Variants in LATS1 observed in about 807,000 individuals in gnomAD.
LATS1 encodes the protein serine/threonine-protein kinase LATS1.
Under a neutral mutation model 106.6 loss-of-function variants are expected in LATS1, and 25 were observed. The observed-to-expected ratio is 0.23, with a 90% confidence interval of 0.17 to 0.33. LATS1 has a LOEUF of 0.33. Among genes scored for constraint, LATS1 ranks in the 10% least tolerant of loss-of-function variants. The probability of loss-of-function intolerance (pLI) is 1.00; values close to 1 mark genes in which losing one functional copy is unlikely to be tolerated. For missense variants in LATS1, 1,040 were observed against 1,382.6 expected, an observed-to-expected ratio of 0.75 and a Z score of 3.93; for synonymous variants, 465 against 455.6, an observed-to-expected ratio of 1.02 and a Z score of -0.26.
In LATS1 at chr6:149,681,975, G is replaced by A. The variant is rs9505990; in HGVS notation, c.2010+1104C>T. Among the ~76,000 whole-genome samples the A allele has an allele frequency of 6.0e-3, 910 of 152,220 alleles. 12 individuals carry two copies. Among genetic ancestry groups the A allele is most frequent in the African/African-American group, 0.021 (878 of 41,548 alleles). On this transcript the variant is annotated intron_variant, in intron 4 of 7. Coordinates refer to ENST00000543571, the MANE Select transcript of LATS1 (RefSeq NM_004690.4). Reference sequence around the variant, plus strand: ...TAAAAATAAAAAATTAGCTCAGCGTGCTGACGGGCGCTTGTAGTCCCAGCT... The same window carrying A: ...TAAAAATAAAAAATTAGCTCAGCGTACTGACGGGCGCTTGTAGTCCCAGCT...
chr6:149,661,683 T>G lies in LATS1; in HGVS notation c.*46A>C. 1 of 1,498,294 alleles carries G rather than the reference T, an allele frequency of 6.7e-7. No homozygotes were observed. Among genetic ancestry groups the G allele is most frequent in the Non-Finnish European group, 8.9e-7 (1 of 1,123,132 alleles). The allele number at this position is 1,498,294 out of a possible 1,614,324, so 92.8% of individuals were successfully genotyped here. On this transcript the variant is annotated 3_prime_UTR_variant, in exon 8 of 8. Coordinates refer to ENST00000543571, the MANE Select transcript of LATS1 (RefSeq NM_004690.4). Reference sequence around the variant, plus strand: ...TCTCAGAACCTCAAAACACCTCGCATTTCAGGCCCTTTTACAAATCCTCAT... The same window carrying G: ...TCTCAGAACCTCAAAACACCTCGCAGTTCAGGCCCTTTTACAAATCCTCAT...
At chr6:149,677,234 A>G (rs1285185133) in intron 5 of LATS1, among the ~76,000 whole-genome samples, 2 of 152,368 alleles carry the variant, frequency 1.3e-5, no homozygotes, top group African/African-American at 2.4e-5. Flanking sequence ...GGATAGCTAC[A>G]TAAGACTGAA....
At chr6:149,680,544 A>G in intron 4 of LATS1, 87 bp from the exon 5 acceptor site, 1 of 927,268 alleles carries the variant, frequency 1.1e-6, no homozygotes, top group Non-Finnish European at 1.6e-6. Context: ...TCAGGCATAT[A>G]TTTAAAGGTT....
In LATS1 at chr6:149,684,376, G is replaced by T; in HGVS notation, c.713C>A (p.Pro238Gln). The T allele has an allele frequency of 6.2e-7, 1 of 1,614,038 alleles. No individual in the cohort carries two copies. Among genetic ancestry groups the T allele is most frequent in the Non-Finnish European group, 8.5e-7 (1 of 1,179,980 alleles). The change falls in exon 4 of 8, where the codon CCA becomes CAA. Residue 238 changes from proline to glutamine, a missense_variant. By Grantham distance (76) the Pro-to-Gln change is moderately conservative. This residue lies in a region of LATS1 where 624 missense variants were observed against 714.8 expected (regional missense o/e 0.87). Coordinates refer to ENST00000543571, the MANE Select transcript of LATS1 (RefSeq NM_004690.4). ...AGTAACACTCCTTACTTGAGGTGGT[G>T]GTGGGGGGTTCACTCTCTGTCCGTT... Reference protein sequence around the residue: ...PSNGQRVNPPPPPQVRSVTPP... With the variant: ...PSNGQRVNPPQPPQVRSVTPP...
Position 149,661,457 on chromosome 6 carries a change from T to A in LATS1, c.*272A>T. On this transcript the variant is annotated 3_prime_UTR_variant, in exon 8 of 8. Coordinates refer to ENST00000543571, the MANE Select transcript of LATS1 (RefSeq NM_004690.4). ...TTCTCCTTTTAAACAAAGCACTACT[T>A]ATTTTAAGTACTTTAAGTACCAAGA... The A allele has an allele frequency of 3.1e-6, 1 of 324,332 alleles. No individual in the cohort carries two copies. Among genetic ancestry groups the A allele is most frequent in the Non-Finnish European group, 5.6e-6 (1 of 179,162 alleles). The allele number at this position is 324,332 out of a possible 1,614,324, so 20.1% of individuals were successfully genotyped here. A position where few individuals can be genotyped will look rare whatever the true frequency, so the allele number is the denominator to read the frequency against.
chr6:149,716,814 A>C (rs1453409453), intron 1 of LATS1, among the ~76,000 whole-genome samples: 1 of 152,196 alleles, frequency 6.6e-6, no homozygotes, highest in Non-Finnish European at 1.5e-5. Context: ...TTAAGGAATC[A>C]ACTACCCCAT....
rs757256238 is a variant in LATS1 at position 149,702,162 on chromosome 6, T to G, written c.-36A>C. The G allele has an allele frequency of 3.7e-6, 5 of 1,369,234 alleles. No homozygotes were observed. Among genetic ancestry groups the G allele is most frequent in the African/African-American group, 2.9e-5 (2 of 68,768 alleles). The allele number at this position is 1,369,234 out of a possible 1,614,324, so 84.8% of individuals were successfully genotyped here. A position where few individuals can be genotyped will look rare whatever the true frequency, so the allele number is the denominator to read the frequency against. On this transcript the variant is annotated 5_prime_UTR_variant, in exon 2 of 8. Transcript: ENST00000543571. ...ATATATGTAGCCCACACGAAGGACT[T>G]CTTTATTTGATAGATCCAGAGCTTT... is the stretch of plus-strand genomic sequence containing the variant.
Position 149,676,270 on chromosome 6 carries a change from G to T in LATS1, c.2873C>A (p.Thr958Lys). ...GATGCCATACCTTACCTTCATTTGT[G>T]TTTCTAATGGTGTTTGTGCCAAGAA... ...PPFLAQTPLETQMKVINWQTS... is the reference protein window; with the variant it reads ...PPFLAQTPLEKQMKVINWQTS... Residue 958 changes from threonine (T) to lysine (K), a missense_variant, in exon 7 of 8, where the codon ACA (threonine) becomes AAA (lysine). Around this residue, in one of 7 missense-constraint regions of LATS1, gnomAD observed 113 missense variants for 146.3 expected, o/e 0.77. Transcript: ENST00000543571. The T allele has an allele frequency of 1.2e-6, 2 of 1,606,218 alleles. No individual in the cohort carries two copies. Among genetic ancestry groups the T allele is most frequent in the Non-Finnish European group, 1.7e-6 (2 of 1,172,820 alleles).
At chr6:149,673,897 A>G (rs1357842988) in intron 7 of LATS1, among the ~76,000 whole-genome samples, 1 of 151,206 alleles carries the variant, frequency 6.6e-6, no homozygotes, top group African/African-American at 2.4e-5. Flanking sequence ...CTGGTCTCGA[A>G]CTCCCGACTT....
intron 7 of LATS1, among the ~76,000 whole-genome samples, chr6:149,668,939 T>G (rs1294173546): frequency 6.6e-6 from 1 of 151,836 alleles, no homozygotes; most frequent in African/African-American, 2.4e-5. Context: ...CCGCCCCAAG[T>G]AGCTGGGACT....
At chr6:149,712,275 G>A (rs1038273071) in intron 1 of LATS1, among the ~76,000 whole-genome samples, 2 of 152,030 alleles carry the variant, frequency 1.3e-5, no homozygotes, top group African/African-American at 4.8e-5. Context: ...TTGGCTCACC[G>A]CAACCTCCAC....
intron 3 of LATS1, among the ~76,000 whole-genome samples, chr6:149,687,404 T>C (rs1192874102): frequency 1.3e-5 from 2 of 151,722 alleles, no homozygotes; most frequent in African/African-American, 4.8e-5. Context: ...ATCTCCAAGG[T>C]TAATCCCCTA....
At chr6:149,685,215 G>A (rs895965819) in intron 3 of LATS1, among the ~76,000 whole-genome samples, 6 of 151,992 alleles carry the variant, frequency 3.9e-5, no homozygotes, top group Non-Finnish European at 7.4e-5. Flanking sequence ...TCCAGCCTGG[G>A]TGACAGTGCA....
At chr6:149,686,002 C>T (rs1267810394) in intron 3 of LATS1, among the ~76,000 whole-genome samples, 1 of 152,042 alleles carries the variant, frequency 6.6e-6, no homozygotes, top group Non-Finnish European at 1.5e-5. Flanking sequence ...ATTGGGGTAC[C>T]TCTTGCGAAT....
chr6:149,672,112 C>G (rs1781472023), intron 7 of LATS1, among the ~76,000 whole-genome samples: 1 of 151,794 alleles, frequency 6.6e-6, no homozygotes, highest in South Asian at 2.1e-4. Flanking sequence ...AGGCTGGTCT[C>G]AAACTCCTGA....
chr6:149,712,461 T>C (rs372921971), intron 1 of LATS1, among the ~76,000 whole-genome samples: 2 of 152,168 alleles, frequency 1.3e-5, no homozygotes, highest in African/African-American at 2.4e-5. Context: ...CCTCCCAAAG[T>C]GCTGGGATTA....
intron 1 of LATS1, among the ~76,000 whole-genome samples, chr6:149,706,509 CA>C (rs912040159): frequency 4.1e-4 from 57 of 140,316 alleles, no homozygotes; most frequent in Admixed American, 1.0e-3. Flanking sequence ...GACCCTGTCT[CA>C]AAAAAAAAAA....
At chr6:149,673,357 C>G (rs550286608) in intron 7 of LATS1, among the ~76,000 whole-genome samples, 8 of 151,980 alleles carry the variant, frequency 5.3e-5, no homozygotes, top group African/African-American at 1.9e-4. Context: ...CCTTGGCTTA[C>G]CAAAGTGCTA....
chr6:149,711,796 C>T (rs192190757), intron 1 of LATS1, among the ~76,000 whole-genome samples: 5 of 152,260 alleles, frequency 3.3e-5, no homozygotes, highest in East Asian at 3.9e-4. Context: ...CCTCCAGGCC[C>T]GGTTGCTTAC....
Sources: gnomAD v4.1 joint callset for allele counts (sites outside exome capture counted in the v4.1 genomes callset) on GRCh38, gnomAD v4.1.1 for gene constraint, gnomAD v4.1.1 regional missense constraint, MANE v1.5 for transcripts, NCBI Gene and HGNC (gene_info 2026-07-23, HGNC 2026-07-21) for gene names.